SCNN1G: variants seen among roughly 807,000 people sequenced by gnomAD.
The protein encoded by SCNN1G is sodium channel epithelial 1 subunit gamma.
A neutral mutation model predicts 64.6 loss-of-function variants in SCNN1G; 27 were observed. The observed-to-expected ratio is 0.42, with a 90% CI of 0.31 to 0.58. SCNN1G has a LOEUF of 0.58. SCNN1G is among the 20% of genes least tolerant of loss of function. SCNN1G has a pLI of 0.18. For synonymous variants in SCNN1G, 330 were observed against 314.2 expected (o/e 1.05, Z -0.53); for missense variants, 743 against 823.4 (o/e 0.90, Z 1.19).
chr16:23,189,426 C>G lies in SCNN1G; in HGVS notation c.373C>G (p.Leu125Val). The G allele has an allele frequency of 6.2e-7, 1 of 1,614,162 alleles. No homozygotes were observed. The highest frequency in any genetic ancestry group is 8.5e-7 in the Non-Finnish European group (1 of 1,180,036). The change falls in exon 3 of 13, where the codon CTG (leucine) becomes GTG (valine). Residue 125 changes from leucine to valine, a missense_variant. Leu to Val is a conservative substitution (Grantham distance 32). Coordinates refer to ENST00000300061, the MANE Select transcript of SCNN1G (RefSeq NM_001039.4). ...ADLEQETREA[L>V]KSLYGFPESR... ...CTTGGAACAGGAGACCAGAGAGGCCCTGAAGTCCCTGTATGGCTTTCCAGA... is the reference window on the plus strand; with the variant it reads ...CTTGGAACAGGAGACCAGAGAGGCCGTGAAGTCCCTGTATGGCTTTCCAGA...
chr16:23,213,648 T>C lies in SCNN1G; in HGVS notation c.1493+485T>C, dbSNP rs144683899. 3.6e-3 allele frequency among the ~76,000 whole-genome samples: 541 copies of C among 152,320 alleles called. 1 individual carries two copies. The highest frequency in any genetic ancestry group is 0.012 in the African/African-American group (505 of 41,554). ...CATGCCATGTGAACTCACATTTCTC[T>C]AAGCCATCACTATCTCCCTCATGCG... On this transcript the variant is annotated intron_variant, in intron 11 of 12. Transcript: ENST00000300061.
At chr16:23,208,186 A>G (rs1056716883) in intron 6 of SCNN1G, among the ~76,000 whole-genome samples, 2 of 152,112 alleles carry the variant, frequency 1.3e-5, no homozygotes, top group African/African-American at 2.4e-5. Context: ...AATCCACAAT[A>G]AAACATCATT....
intron 6 of SCNN1G, among the ~76,000 whole-genome samples, chr16:23,203,106 G>A (rs1356422304): frequency 1.3e-5 from 2 of 152,226 alleles, no homozygotes; most frequent in East Asian, 3.8e-4. Flanking sequence ...GCCAGAAAGA[G>A]TTGGCATCAG....
chr16:23,190,333 G>T (rs1336358557), intron 3 of SCNN1G, among the ~76,000 whole-genome samples: 1 of 150,956 alleles, frequency 6.6e-6, no homozygotes, highest in Non-Finnish European at 1.5e-5. Flanking sequence ...TGATTCAGCT[G>T]CAAACAACTG....
chr16:23,183,413 G>A (rs1162158007), intron 1 of SCNN1G, among the ~76,000 whole-genome samples: 1 of 152,174 alleles, frequency 6.6e-6, no homozygotes. Flanking sequence ...CCTTCGGGAC[G>A]GGCACTGATC....
intron 6 of SCNN1G, among the ~76,000 whole-genome samples, chr16:23,198,458 C>T (rs1959832919): frequency 6.6e-6 from 1 of 152,202 alleles, no homozygotes. Flanking sequence ...AGACCGGGCA[C>T]AGTGGCTCAT....
At chr16:23,211,967 T>C (rs568652971) in intron 7 of SCNN1G, 67 bp from the exon 8 acceptor site, 1 of 1,136,890 alleles carries the variant, frequency 8.8e-7, no homozygotes, top group East Asian at 2.3e-5. Flanking sequence ...GGCTGAGGGA[T>C]GTGCAGGAAA....
intron 6 of SCNN1G, among the ~76,000 whole-genome samples, chr16:23,201,314 A>G (rs988589366): frequency 3.3e-5 from 5 of 152,172 alleles, no homozygotes; most frequent in Admixed American, 6.5e-5. Flanking sequence ...GAGCTTGTAA[A>G]AGTATAAGAA....
chr16:23,187,271 G>A (rs1221661222), intron 2 of SCNN1G, among the ~76,000 whole-genome samples: 1 of 151,916 alleles, frequency 6.6e-6, no homozygotes, highest in Non-Finnish European at 1.5e-5. Flanking sequence ...ACCACATCCA[G>A]CTAAAATTTT....
chr16:23,192,918 A>G (rs55687117), intron 4 of SCNN1G, among the ~76,000 whole-genome samples: 3,337 of 151,626 alleles, frequency 0.022, 61 homozygotes, highest in Middle Eastern at 0.041. Context: ...AAAATACAAA[A>G]CTTAGCCAGG....
At chr16:23,204,334 TAG>T (rs755322105) in intron 6 of SCNN1G, among the ~76,000 whole-genome samples, 291 of 15,146 alleles carry the variant, frequency 0.019, 15 homozygotes, top group African/African-American at 0.021. Context: ...TATATATATA[TAG>T]AGAGAGAGAG....
chr16:23,188,435 C>T (rs1462747554), intron 2 of SCNN1G, among the ~76,000 whole-genome samples: 5 of 151,960 alleles, frequency 3.3e-5, no homozygotes, highest in Non-Finnish European at 4.4e-5. Flanking sequence ...TTGCTTGAGC[C>T]CAGGAGTTCT....
chr16:23,211,427 A>G (rs1478895282), intron 7 of SCNN1G, among the ~76,000 whole-genome samples: 1 of 152,200 alleles, frequency 6.6e-6, no homozygotes. Flanking sequence ...TTTCCCACTT[A>G]TCTTTGTGTT....
chr16:23,183,445 A>T (rs1959554822), intron 1 of SCNN1G, among the ~76,000 whole-genome samples: 1 of 152,104 alleles, frequency 6.6e-6, no homozygotes, highest in Non-Finnish European at 1.5e-5. Context: ...GGTCCAGCGA[A>T]CCCAACGCTA....
At chr16:23,186,112 G>A (rs1403467033) in intron 1 of SCNN1G, 116 bp from the exon 2 acceptor site, 1 of 707,334 alleles carries the variant, frequency 1.4e-6, no homozygotes, top group East Asian at 2.7e-5. Context: ...CAGAGGAACA[G>A]AGGAAGGAGG....
intron 6 of SCNN1G, among the ~76,000 whole-genome samples, chr16:23,209,191 G>A (rs1454674462): frequency 3.9e-5 from 6 of 151,948 alleles, no homozygotes; most frequent in Non-Finnish European, 5.9e-5. Flanking sequence ...GCAGTGGTAC[G>A]ACGATGGCTC....
intron 2 of SCNN1G, among the ~76,000 whole-genome samples, chr16:23,187,738 G>C (rs1331838112): frequency 2.6e-5 from 4 of 151,950 alleles, no homozygotes; most frequent in Admixed American, 2.0e-4. Context: ...ATCAGCCCTT[G>C]GGACTGCCCT....
At chr16:23,192,031 C>G (rs183084129) in intron 3 of SCNN1G, among the ~76,000 whole-genome samples, 1 of 152,104 alleles carries the variant, frequency 6.6e-6, no homozygotes, top group Non-Finnish European at 1.5e-5. Context: ...TTGTTAGGAA[C>G]GTAGTAGCAT....
In SCNN1G at chr16:23,186,403, C is replaced by G. The variant is rs774767092; in HGVS notation, c.132C>G (p.Ile44Met). 4 of 1,614,258 alleles carry G rather than the reference C, an allele frequency of 2.5e-6. No individual in the cohort carries two copies. The South Asian group carries it at 3.3e-5, about 13-fold the overall frequency. Residue 44 changes from isoleucine (I) to methionine (M), a missense_variant, in exon 2 of 13, where the codon ATC (isoleucine) becomes ATG (methionine). Coordinates refer to ENST00000300061, the MANE Select transcript of SCNN1G (RefSeq NM_001039.4). ...CCAACACCCATGGCTGTCGCCGCATCGTGGTGTCCCGCGGCCGTCTGCGCC... is the reference window on the plus strand; with the variant it reads ...CCAACACCCATGGCTGTCGCCGCATGGTGGTGTCCCGCGGCCGTCTGCGCC... Reference protein sequence around the residue: ...LNTNTHGCRRIVVSRGRLRRL... With the variant: ...LNTNTHGCRRMVVSRGRLRRL...
Sources: allele counts gnomAD v4.1 joint callset (sites outside exome capture counted in the v4.1 genomes callset), GRCh38; gene constraint gnomAD v4.1.1; transcripts MANE v1.5; gene names NCBI Gene and HGNC (gene_info 2026-07-23, HGNC 2026-07-21).